The following MALRD1 variants were observed in gnomAD, a reference collection of about 807,000 sequenced individuals.
The protein encoded by MALRD1 is MAM and LDL receptor class A domain containing 1.
Under a neutral mutation model 242.1 loss-of-function variants are expected in MALRD1, and 247 were observed. That is an observed-to-expected ratio of 1.02 (90% CI 0.92 to 1.13). The LOEUF is 1.13. Among genes scored for constraint, MALRD1 ranks in the 50% most tolerant of loss-of-function variants. The pLI, the probability that MALRD1 is intolerant of heterozygous loss-of-function variation, is 0.00. For missense variants in MALRD1, 2,989 were observed against 2,533.1 expected, an observed-to-expected ratio of 1.18 and a Z score of -3.86; for synonymous variants, 995 against 866.6, an observed-to-expected ratio of 1.15 and a Z score of -2.60.
chr10:19,690,337 A>T (rs368670134), intron 36 of MALRD1, among the ~76,000 whole-genome samples: 1 of 152,078 alleles, frequency 6.6e-6, no homozygotes, highest in African/African-American at 2.4e-5. Flanking sequence ...TGGAAAATCA[A>T]TCAATCAATT....
chr10:19,284,417 A>C (rs1364435050), intron 21 of MALRD1, among the ~76,000 whole-genome samples: 2 of 93,946 alleles, frequency 2.1e-5, no homozygotes, highest in African/African-American at 4.3e-5. Flanking sequence ...CCACCCCACC[A>C]CAGTCCCCAG....
intron 29 of MALRD1, among the ~76,000 whole-genome samples, chr10:19,451,688 A>C (rs1188368507): frequency 2.0e-5 from 3 of 152,158 alleles, no homozygotes; most frequent in Non-Finnish European, 2.9e-5. Context: ...CAGTTCAAAA[A>C]TGTGACTTTG....
At chr10:19,706,331 T>C (rs2131859146) in intron 38 of MALRD1, among the ~76,000 whole-genome samples, 1 of 152,282 alleles carries the variant, frequency 6.6e-6, no homozygotes, top group East Asian at 1.9e-4. Context: ...TTTTATTTTA[T>C]TTGAGATGGA....
At chr10:19,457,291 C>T (rs1219597197) in intron 29 of MALRD1, among the ~76,000 whole-genome samples, 1 of 152,162 alleles carries the variant, frequency 6.6e-6, no homozygotes, top group Non-Finnish European at 1.5e-5. Context: ...ACATATCTGT[C>T]AAGCAGGTTC....
chr10:19,164,727 A>T (rs1834595340), intron 12 of MALRD1, among the ~76,000 whole-genome samples: 1 of 152,176 alleles, frequency 6.6e-6, no homozygotes. Context: ...ATATTGGTTG[A>T]ATCAATAACA....
chr10:19,419,812 T>A (rs989340249), intron 28 of MALRD1, among the ~76,000 whole-genome samples: 1 of 152,114 alleles, frequency 6.6e-6, no homozygotes, highest in African/African-American at 2.4e-5. Flanking sequence ...GTCGTCAACT[T>A]TTCTTATTCG....
intron 1 of MALRD1, among the ~76,000 whole-genome samples, chr10:19,062,582 A>G (rs2131229939): frequency 6.6e-6 from 1 of 152,336 alleles, no homozygotes; most frequent in South Asian, 2.1e-4. Context: ...TATGACATAG[A>G]TCAACCTTGA....
intron 21 of MALRD1, among the ~76,000 whole-genome samples, chr10:19,318,334 T>C (rs1012078021): frequency 6.6e-6 from 1 of 152,006 alleles, no homozygotes. Flanking sequence ...GTTGTTTGCA[T>C]TTTTCAAATT....
intron 14 of MALRD1, among the ~76,000 whole-genome samples, chr10:19,190,799 A>T (rs1835938090): frequency 6.6e-6 from 1 of 152,162 alleles, no homozygotes. Context: ...ATATTCAAAA[A>T]GTAACTCAAA....
At chr10:19,580,894 T>A (rs761637460) in intron 33 of MALRD1, among the ~76,000 whole-genome samples, 1 of 152,076 alleles carries the variant, frequency 6.6e-6, no homozygotes, top group Non-Finnish European at 1.5e-5. Flanking sequence ...CTGTGTACTT[T>A]CCCACGCATG....
chr10:19,391,591 T>G (rs557987770), intron 28 of MALRD1, among the ~76,000 whole-genome samples: 1 of 152,164 alleles, frequency 6.6e-6, no homozygotes, highest in Non-Finnish European at 1.5e-5. Context: ...TGTCTATTCT[T>G]AGTTAGGCCC....
intron 32 of MALRD1, among the ~76,000 whole-genome samples, chr10:19,539,897 T>TGTGTGTGTGTGTGTGTGC (rs1365113182): frequency 4.3e-4 from 19 of 44,428 alleles, no homozygotes; most frequent in African/African-American, 1.2e-3. Context: ...TGTGTGTGTG[T>TGTGTGTGTGTGTGTGTGC]GCGCGCGCGC....
chr10:19,165,875 T>A, intron 13 of MALRD1, 65 bp downstream of exon 13: 1 of 1,138,582 alleles, frequency 8.8e-7, no homozygotes, highest in Non-Finnish European at 1.1e-6. Flanking sequence ...ACCTTTCAGA[T>A]AACAATATAA....
At chr10:19,541,210 G>A (rs1257642493) in intron 32 of MALRD1, among the ~76,000 whole-genome samples, 1 of 152,084 alleles carries the variant, frequency 6.6e-6, no homozygotes, top group Non-Finnish European at 1.5e-5. Context: ...TGTTTATGCT[G>A]AACTTCATGG....
At chr10:19,564,289 T>C (rs1317893298) in intron 32 of MALRD1, among the ~76,000 whole-genome samples, 1 of 152,178 alleles carries the variant, frequency 6.6e-6, no homozygotes, top group Non-Finnish European at 1.5e-5. Flanking sequence ...AAATTTAACA[T>C]AGACTTAATT....
chr10:19,488,465 C>T (rs912310169), intron 29 of MALRD1: 2 of 152,784 alleles, frequency 1.3e-5, no homozygotes, highest in Non-Finnish European at 2.9e-5. Flanking sequence ...AGTGTCTCAC[C>T]TGGGGCAAAG....
rs779020096 is a variant in MALRD1 at position 19,087,915 on chromosome 10, A to G, written c.416A>G (p.Asn139Ser). ...AGAAGCAGAGTTTTCCTTCCAACAAATGATCAACATGACTGCCAGGTATTT... is the reference window on the plus strand; with the variant it reads ...AGAAGCAGAGTTTTCCTTCCAACAAGTGATCAACATGACTGCCAGGTATTT... ...SLRSRVFLPT[N>S]DQHDCQITFY... is the part of the protein sequence containing the mutation. The change falls in exon 3 of 40, where the codon AAT becomes AGT. Residue 139 changes from asparagine to serine, a missense_variant. Physicochemically the swap from Asn to Ser is conservative, Grantham distance 46. Transcript: ENST00000454679. 21 of 1,233,266 alleles carry G rather than the reference A, an allele frequency of 1.7e-5. No homozygotes were observed. Among genetic ancestry groups the G allele is most frequent in the Non-Finnish European group, 1.9e-5 (19 of 987,764 alleles). 76.4% of individuals were successfully genotyped at this position (1,233,266 alleles called of 1,614,324 possible).
chr10:19,209,819 A>G (rs1836965302), intron 18 of MALRD1, 139 bp downstream of exon 18: 1 of 870,656 alleles, frequency 1.1e-6, no homozygotes, highest in East Asian at 2.7e-5. Context: ...CATTTATTTG[A>G]GGGTGTATCA....
At chr10:19,130,634 C>A (rs1262214485) in intron 8 of MALRD1, among the ~76,000 whole-genome samples, 2 of 152,036 alleles carry the variant, frequency 1.3e-5, no homozygotes, top group South Asian at 4.1e-4. Context: ...AGTTTCAATA[C>A]ATGTAGAATG....
Sources: allele counts gnomAD v4.1 joint callset (sites outside exome capture counted in the v4.1 genomes callset), GRCh38; gene constraint gnomAD v4.1.1; transcripts MANE v1.5; gene names NCBI Gene and HGNC (gene_info 2026-07-23, HGNC 2026-07-21).